VPS13D: variants seen among roughly 807,000 people sequenced by gnomAD.
VPS13D encodes the protein vacuolar protein sorting 13 homolog D.
VPS13D carries 187 observed loss-of-function variants against 461.9 expected under a neutral mutation model. The ratio of observed to expected loss-of-function variants is 0.40; its 90% confidence interval spans 0.36 to 0.46. The LOEUF (loss-of-function observed/expected upper bound fraction) is 0.46, where lower values mean the gene tolerates loss of function less well. Among genes scored for constraint, VPS13D ranks in the 20% least tolerant of loss-of-function variants. The probability of loss-of-function intolerance (pLI) is 0.60; values close to 1 mark genes in which losing one functional copy is unlikely to be tolerated. For synonymous variants in VPS13D, 1,951 were observed against 1,986.3 expected (o/e 0.98, Z 0.47); for missense variants, 4,711 against 5,364.9 (o/e 0.88, Z 3.81).
chr1:12,363,946 T>C, intron 52 of VPS13D, among the ~76,000 whole-genome samples: 1 of 74,054 alleles, frequency 1.4e-5, no homozygotes, highest in Non-Finnish European at 2.3e-5. Context: ...AGTAAGACTC[T>C]ATCTCAAAAA....
intron 1 of VPS13D, among the ~76,000 whole-genome samples, 155 bp from the exon 2 acceptor site, chr1:12,234,036 G>A (rs372933470): frequency 1.3e-5 from 2 of 152,132 alleles, no homozygotes; most frequent in African/African-American, 2.4e-5. Context: ...TGACGAGAGC[G>A]AAACTGTCTC....
At chr1:12,338,610 G>A (rs1043173803) in intron 40 of VPS13D, among the ~76,000 whole-genome samples, 1 of 152,122 alleles carries the variant, frequency 6.6e-6, no homozygotes, top group South Asian at 2.1e-4. Flanking sequence ...AAGAGCAAGT[G>A]GATTGAGGAG....
At chr1:12,356,220 G>A in intron 48 of VPS13D, 130 bp downstream of exon 48, 1 of 1,388,498 alleles carries the variant, frequency 7.2e-7, no homozygotes, top group Non-Finnish European at 9.6e-7. Flanking sequence ...AAACATTCCT[G>A]CTTCCATCAT....
intron 12 of VPS13D, 21 bp from the exon 13 acceptor site, chr1:12,261,880 C>G: frequency 6.3e-7 from 1 of 1,582,030 alleles, no homozygotes; most frequent in Non-Finnish European, 8.6e-7. Flanking sequence ...TTCTTACAGT[C>G]TTTTCTCCCT....
At chr1:12,336,077 C>T (rs371668054) in intron 39 of VPS13D, 2 of 427,854 alleles carry the variant, frequency 4.7e-6, no homozygotes, top group African/African-American at 4.0e-5. Context: ...TTCCTAAATC[C>T]TGGTAATAAT....
At chr1:12,331,416 T>C (rs1011452629) in intron 37 of VPS13D, among the ~76,000 whole-genome samples, 3 of 152,152 alleles carry the variant, frequency 2.0e-5, no homozygotes, top group African/African-American at 7.2e-5. Context: ...AACACCCTTA[T>C]TTCTTCATTG....
intron 60 of VPS13D, 67 bp from the exon 61 acceptor site, chr1:12,400,114 C>A: frequency 6.4e-7 from 1 of 1,564,546 alleles, no homozygotes. Context: ...CCCACTCAAG[C>A]GTAAAAATGA....
chr1:12,399,129 T>A (rs1268247593), intron 60 of VPS13D, among the ~76,000 whole-genome samples: 1 of 152,244 alleles, frequency 6.6e-6, no homozygotes, highest in Non-Finnish European at 1.5e-5. Flanking sequence ...CTGTTTTATT[T>A]TTTTAATTAA....
At chr1:12,284,751 C>T (rs969259989) in intron 21 of VPS13D, among the ~76,000 whole-genome samples, 1 of 152,206 alleles carries the variant, frequency 6.6e-6, no homozygotes, top group African/African-American at 2.4e-5. Context: ...TTGCCATTTT[C>T]TTATTTCCCT....
Position 12,276,950 on chromosome 1 carries a change from A to C in VPS13D, c.3362A>C (p.Glu1121Ala), listed in dbSNP as rs1641632687. 2 of 1,613,972 alleles carry C rather than the reference A, an allele frequency of 1.2e-6. No homozygotes were observed. The highest frequency in any genetic ancestry group is 1.3e-5 in the African/African-American group (1 of 74,890). ...ATCCTCAATCCAGAGACGATTGTGG[A>C]GCTAATTGGTTTTCTTCAAAAATCC... ...DIILNPETIV[E>A]LIGFLQKSFP... The change falls in exon 19 of 70, where the codon GAG becomes GCG. Residue 1121 changes from glutamate (E) to alanine (A), a missense_variant. This residue lies in a region of VPS13D where 4,411 missense variants were observed against 4,937.8 expected (regional missense o/e 0.89). Coordinates refer to ENST00000620676, the MANE Select transcript of VPS13D (RefSeq NM_015378.4). The surrounding 1 kb of genome is among the most constrained non-coding windows in gnomAD (Gnocchi z 4.5).
chr1:12,441,348 G>T lies in VPS13D; in HGVS notation c.12334-14650G>T, dbSNP rs116451397. Among the ~76,000 whole-genome samples, 658 of 152,244 alleles carry T rather than the reference G, an allele frequency of 4.3e-3. 4 individuals carry two copies. Among genetic ancestry groups the T allele is most frequent in the African/African-American group, 0.015 (619 of 41,532 alleles). The stretch of plus-strand genomic sequence containing the variant: ...CGAACTGTGTTTCAGGCACTGTCCG[G>T]GGCGGGGGACAGGGTACAAAGATGA... On this transcript the variant is annotated intron_variant, in intron 65 of 69. Transcript: ENST00000620676.
chr1:12,282,558 A>G (rs1435972921), intron 20 of VPS13D, 147 bp from the exon 21 acceptor site: 1 of 788,294 alleles, frequency 1.3e-6, no homozygotes, highest in Non-Finnish European at 2.0e-6. Flanking sequence ...AGAGGTAAGG[A>G]CAAAATAAAT....
intron 67 of VPS13D, among the ~76,000 whole-genome samples, chr1:12,492,477 A>G (rs1645895883): frequency 6.6e-6 from 1 of 152,260 alleles, no homozygotes. Flanking sequence ...GTCAGTAGCT[A>G]TGTATTGGAC....
intron 65 of VPS13D, among the ~76,000 whole-genome samples, chr1:12,433,854 C>G (rs1465196333): frequency 1.3e-5 from 2 of 151,480 alleles, no homozygotes; most frequent in African/African-American, 4.9e-5. Context: ...TTAGGCAGCC[C>G]TGGCCAGGAT....
In VPS13D at chr1:12,277,955, C is replaced by G; in HGVS notation, c.4367C>G (p.Pro1456Arg). 6.2e-7 allele frequency: 1 copy of G among 1,614,194 alleles called. No individual in the cohort carries two copies. Among genetic ancestry groups the G allele is most frequent in the Non-Finnish European group, 8.5e-7 (1 of 1,180,026 alleles). Residue 1456 changes from proline (P) to arginine (R), a missense_variant, in exon 19 of 70, where the codon CCT becomes CGT. By Grantham distance (103) the Pro-to-Arg change is moderately radical (BLOSUM62 -2). Around this residue, in one of 3 missense-constraint regions of VPS13D, gnomAD observed 4,411 missense variants for 4,937.8 expected, o/e 0.89. Transcript: ENST00000620676. The part of the protein sequence containing the change: ...GSEGSRMFCP[P>R]SGSGSANSQE... ...GAAGGAAGCCGGATGTTTTGCCCAC[C>G]TTCCGGGTCTGGCAGTGCCAACAGT...
Position 12,291,226 on chromosome 1 carries a change from C to T in VPS13D, c.5852+102C>T, listed in dbSNP as rs534111318. ...TAAAGAAAACTTTTAAAAATTTTTA[C>T]CTTCTTAGAGGTGAAATTGAGAAGT... On this transcript the variant is annotated intron_variant, in intron 23 of 69. Transcript: ENST00000620676. 11 of 1,332,764 alleles carry T rather than the reference C, an allele frequency of 8.3e-6. No individual in the cohort carries two copies. The South Asian group carries it at 1.3e-4, about 16-fold the overall frequency. 82.6% of individuals were successfully genotyped at this position (1,332,764 alleles called of 1,614,324 possible). A position where few individuals can be genotyped will look rare whatever the true frequency, so the allele number is the denominator to read the frequency against.
At chr1:12,353,547 A>C (rs1450198346) in intron 46 of VPS13D, among the ~76,000 whole-genome samples, 5 of 151,520 alleles carry the variant, frequency 3.3e-5, no homozygotes, top group African/African-American at 4.8e-5. Context: ...AAAAAAAAAA[A>C]AAAAAAAAAC....
intron 24 of VPS13D, among the ~76,000 whole-genome samples, chr1:12,296,550 C>A (rs1642283428): frequency 6.6e-6 from 1 of 152,132 alleles, no homozygotes; most frequent in Non-Finnish European, 1.5e-5. Flanking sequence ...TATGTAGCAA[C>A]TATATAATCT....
chr1:12,253,875 C>G (rs779014351), intron 7 of VPS13D, 49 bp downstream of exon 7: 1 of 1,486,990 alleles, frequency 6.7e-7, no homozygotes, highest in Non-Finnish European at 9.4e-7. Flanking sequence ...GGAAGGGAAG[C>G]GGCGTAGGGT....
Sources: allele counts gnomAD v4.1 joint callset (sites outside exome capture counted in the v4.1 genomes callset), GRCh38; gene constraint gnomAD v4.1.1; regional missense constraint gnomAD v4.1.1; non-coding constraint Gnocchi (gnomAD v3.1); transcripts MANE v1.5; gene names NCBI Gene and HGNC (gene_info 2026-07-23, HGNC 2026-07-21).